The following EML5 variants were observed in gnomAD, a reference collection of about 807,000 sequenced individuals.
The protein encoded by EML5 is echinoderm microtubule-associated protein-like 5.
A neutral mutation model predicts 250.0 loss-of-function variants in EML5; 120 were observed. The ratio of observed to expected loss-of-function variants is 0.48; its 90% confidence interval spans 0.41 to 0.56. The LOEUF is 0.56. EML5 is among the 20% of genes least tolerant of loss of function. EML5 has a pLI of 0.00. For synonymous variants in EML5, 771 were observed against 806.5 expected (o/e 0.96, Z 0.75); for missense variants, 2,006 against 2,437.6 (o/e 0.82, Z 3.73).
At position 88,615,626 on chromosome 14, in the gene EML5, ATTACGGATTATACC is replaced by A; in HGVS notation, c.*178_*191del. 1.8e-6 allele frequency: 1 copy of A among 560,032 alleles called. No homozygotes were observed. Among genetic ancestry groups the A allele is most frequent in the Non-Finnish European group, 3.1e-6 (1 of 320,918 alleles). 34.7% of individuals were successfully genotyped at this position (560,032 alleles called of 1,614,324 possible). ...AATGGCATTATCTGGCAGTGTATGG[ATTACGGATTATACC>A]CAGTGCATATAGCAAATATTTTGAA... On this transcript the variant is annotated 3_prime_UTR_variant, in exon 44 of 44. Coordinates refer to ENST00000554922, the MANE Select transcript of EML5 (RefSeq NM_183387.3).
intron 1 of EML5, among the ~76,000 whole-genome samples, chr14:88,760,070 C>A (rs1025225321): frequency 6.6e-6 from 1 of 152,146 alleles, no homozygotes; most frequent in African/African-American, 2.4e-5. Flanking sequence ...ATTCTCAATA[C>A]AAGTCCCTTT....
chr14:88,716,855 T>C (rs1199814166), intron 8 of EML5, among the ~76,000 whole-genome samples: 1 of 152,128 alleles, frequency 6.6e-6, no homozygotes, highest in Non-Finnish European at 1.5e-5. Context: ...ATGACCACTC[T>C]CTCACATGAA....
intron 20 of EML5, among the ~76,000 whole-genome samples, chr14:88,683,987 G>A (rs1595508051): frequency 1.3e-5 from 2 of 151,856 alleles, no homozygotes; most frequent in African/African-American, 4.8e-5. Context: ...AGAAATAGCA[G>A]GCATCCAGAT....
At chr14:88,726,741 T>G in intron 7 of EML5, 63 bp from the exon 8 acceptor site, 4 of 1,265,376 alleles carry the variant, frequency 3.2e-6, no homozygotes, top group Non-Finnish European at 4.2e-6. Context: ...AAAAATATTT[T>G]GGTTAAAATA....
chr14:88,663,813 G>T (rs1334855336), intron 23 of EML5, among the ~76,000 whole-genome samples: 1 of 151,586 alleles, frequency 6.6e-6, no homozygotes, highest in African/African-American at 2.4e-5. Flanking sequence ...GAGATTACAG[G>T]CATGAGCCAC....
chr14:88,722,891 T>C (rs965414352), intron 8 of EML5, among the ~76,000 whole-genome samples: 2 of 152,096 alleles, frequency 1.3e-5, no homozygotes, highest in African/African-American at 4.8e-5. Flanking sequence ...GCACATGTAC[T>C]TTGTAACTTA....
At chr14:88,765,593 T>C (rs1413717124) in intron 1 of EML5, among the ~76,000 whole-genome samples, 2 of 152,194 alleles carry the variant, frequency 1.3e-5, no homozygotes, top group Non-Finnish European at 2.9e-5. Flanking sequence ...TTCAAGATAC[T>C]CTCAATATCT....
intron 21 of EML5, among the ~76,000 whole-genome samples, chr14:88,680,915 C>T (rs1412003417): frequency 6.6e-6 from 1 of 151,218 alleles, no homozygotes; most frequent in Non-Finnish European, 1.5e-5. Context: ...AGAAAAAAAA[C>T]AAAAACCAAA....
chr14:88,627,204 T>C (rs1265008513), intron 34 of EML5, 158 bp from the exon 35 acceptor site: 4 of 666,938 alleles, frequency 6.0e-6, no homozygotes, highest in Non-Finnish European at 1.0e-5. Context: ...TTTACAATTA[T>C]TTGTGTATTG....
intron 1 of EML5, among the ~76,000 whole-genome samples, chr14:88,779,956 A>AT (rs1057257486): frequency 2.3e-4 from 35 of 149,352 alleles, no homozygotes; most frequent in South Asian, 6.4e-4. Context: ...CTGAAAAAAA[A>AT]TTTTTTTTTT....
At chr14:88,739,414 T>TC (rs1233401807) in intron 5 of EML5, among the ~76,000 whole-genome samples, 2 of 150,182 alleles carry the variant, frequency 1.3e-5, no homozygotes, top group Admixed American at 1.3e-4. Flanking sequence ...CTGGAGCCAA[T>TC]CCCCCCCAAA....
At chr14:88,702,789 C>G (rs1031948240) in intron 13 of EML5, among the ~76,000 whole-genome samples, 157 bp from the exon 14 acceptor site, 11 of 152,144 alleles carry the variant, frequency 7.2e-5, no homozygotes, top group African/African-American at 2.4e-4. Context: ...GGGTCTCGCT[C>G]TGTCACTCAG....
chr14:88,618,169 A>C, intron 41 of EML5, 59 bp downstream of exon 41: 2 of 1,425,818 alleles, frequency 1.4e-6, no homozygotes, highest in Non-Finnish European at 2.0e-6. Flanking sequence ...GTTCAGAAAT[A>C]GGATTTTCTA....
chr14:88,723,714 T>C (rs763363283), intron 8 of EML5, among the ~76,000 whole-genome samples: 8 of 152,180 alleles, frequency 5.3e-5, no homozygotes, highest in Admixed American at 1.3e-4. Flanking sequence ...GTCGTAAATA[T>C]ATACAGTTTT....
chr14:88,618,166 A>G (rs1595187046), intron 41 of EML5, 62 bp downstream of exon 41: 2 of 1,416,612 alleles, frequency 1.4e-6, no homozygotes, highest in East Asian at 4.6e-5. Flanking sequence ...ACAGTTCAGA[A>G]ATAGGATTTT....
At chr14:88,703,965 A>G (rs1189385154) in intron 13 of EML5, among the ~76,000 whole-genome samples, 1 of 152,228 alleles carries the variant, frequency 6.6e-6, no homozygotes, top group Non-Finnish European at 1.5e-5. Flanking sequence ...CATAGTGCTT[A>G]TTATGTGCCA....
At chr14:88,738,581 A>G (rs28715823) in intron 6 of EML5, among the ~76,000 whole-genome samples, 4 of 152,184 alleles carry the variant, frequency 2.6e-5, no homozygotes, top group African/African-American at 9.7e-5. Context: ...TTCTAATAGT[A>G]AAATACTTTC....
chr14:88,627,626 A>G lies in EML5; in HGVS notation c.4531+20T>C. On this transcript the variant is annotated intron_variant, in intron 34 of 43. Transcript: ENST00000554922. ...TGTATTCTTGTTTTTTTAAAAATCA[A>G]ACACACAAAAGAATCCTACCTTCCT... 6.4e-7 allele frequency: 1 copy of G among 1,573,106 alleles called. No homozygotes were observed. The highest frequency in any genetic ancestry group is 8.6e-7 in the Non-Finnish European group (1 of 1,164,758).
At chr14:88,628,026 G>GAA in intron 33 of EML5, 1 of 619,266 alleles carries the variant, frequency 1.6e-6, no homozygotes, top group South Asian at 1.7e-5. Context: ...AAAATATATA[G>GAA]AACACTTCTT....
Sources: gnomAD v4.1 joint callset for allele counts (sites outside exome capture counted in the v4.1 genomes callset) on GRCh38, gnomAD v4.1.1 for gene constraint, MANE v1.5 for transcripts, NCBI Gene and HGNC (gene_info 2026-07-23, HGNC 2026-07-21) for gene names.